SPATA6: variants seen among roughly 807,000 people sequenced by gnomAD.
The protein encoded by SPATA6 is spermatogenesis-associated protein 6.
In SPATA6, 56 loss-of-function variants were observed where a neutral mutation model predicts 65.3. The observed-to-expected ratio is 0.86, with a 90% confidence interval of 0.69 to 1.07. SPATA6 has a LOEUF of 1.07. Among genes scored for constraint, SPATA6 ranks in the 50% least tolerant of loss-of-function variants. The probability of loss-of-function intolerance (pLI) is 0.00; values close to 1 mark genes in which losing one functional copy is unlikely to be tolerated. For synonymous variants in SPATA6, 199 were observed against 213.2 expected, an observed-to-expected ratio of 0.93 and a Z score of 0.58; for missense variants, 590 against 594.8, an observed-to-expected ratio of 0.99 and a Z score of 0.08.
chr1:48,355,435 A>C, intron 11 of SPATA6: 1 of 347,120 alleles, frequency 2.9e-6, no homozygotes, highest in Admixed American at 4.4e-5. Context: ...TAAGATAATT[A>C]TCACTAACAT....
At chr1:48,344,518 A>C (rs1456489769) in intron 11 of SPATA6, among the ~76,000 whole-genome samples, 1 of 152,106 alleles carries the variant, frequency 6.6e-6, no homozygotes. Context: ...AGGATCAAAT[A>C]CACACATATA....
At chr1:48,347,521 TTAAA>T (rs1470397295) in intron 11 of SPATA6, among the ~76,000 whole-genome samples, 17 of 146,646 alleles carry the variant, frequency 1.2e-4, no homozygotes, top group Non-Finnish European at 2.1e-4. Flanking sequence ...ATATAATGTA[TTAAA>T]TTAATTATAG....
chr1:48,384,743 AG>A (rs1436682241), intron 9 of SPATA6, among the ~76,000 whole-genome samples: 3 of 152,180 alleles, frequency 2.0e-5, no homozygotes, highest in African/African-American at 7.2e-5. Context: ...AGAAACAGAG[AG>A]CATGTCTCAG....
intron 6 of SPATA6, among the ~76,000 whole-genome samples, chr1:48,402,274 G>C (rs1229833724): frequency 6.6e-6 from 1 of 152,090 alleles, no homozygotes; most frequent in Admixed American, 6.6e-5. Context: ...CTTTCACCAA[G>C]CTGTACCCTG....
Position 48,338,057 on chromosome 1 carries a change from A to G in SPATA6, c.1194+17613T>C, listed in dbSNP as rs147313231. Among the ~76,000 whole-genome samples, 99 of 152,150 alleles carry G rather than the reference A, an allele frequency of 6.5e-4. No homozygotes were observed. In the East Asian group the frequency reaches 0.018, roughly 28 times the overall value. On this transcript the variant is annotated intron_variant, in intron 11 of 12. Transcript: ENST00000371847. The stretch of plus-strand genomic sequence containing the variant: ...GTGAAGGAGTTATGTCATTAGATAT[A>G]AAGAGTTACTACAAACCTATAGTAA...
At chr1:48,415,329 G>C (rs898499901) in intron 3 of SPATA6, among the ~76,000 whole-genome samples, 12 of 152,174 alleles carry the variant, frequency 7.9e-5, no homozygotes, top group African/African-American at 2.9e-4. Context: ...TTTTTGTAGA[G>C]TCTTTTATGA....
chr1:48,312,142 G>C (rs529434311), intron 11 of SPATA6, among the ~76,000 whole-genome samples: 17 of 152,336 alleles, frequency 1.1e-4, no homozygotes, highest in African/African-American at 3.8e-4. Flanking sequence ...TCTGGGGGCA[G>C]GGAATAGCGA....
chr1:48,320,570 T>C (rs541462957), intron 11 of SPATA6, among the ~76,000 whole-genome samples: 2 of 152,202 alleles, frequency 1.3e-5, no homozygotes, highest in East Asian at 3.8e-4. Flanking sequence ...AAACAAGAGC[T>C]GAGGGACTTC....
At chr1:48,299,826 G>A (rs1644892698) in intron 12 of SPATA6, among the ~76,000 whole-genome samples, 1 of 152,190 alleles carries the variant, frequency 6.6e-6, no homozygotes, top group South Asian at 2.1e-4. Flanking sequence ...TGCTCAGCTA[G>A]TAAGTGGCAA....
chr1:48,275,526 T>C, the SPATA6 span, among the ~76,000 whole-genome samples: 2 of 152,202 alleles, frequency 1.3e-5, no homozygotes, highest in Admixed American at 6.5e-5. Flanking sequence ...CAATACCTAG[T>C]TCATTGAGAG....
chr1:48,370,004 T>C (rs1451051084), intron 9 of SPATA6, among the ~76,000 whole-genome samples: 1 of 152,342 alleles, frequency 6.6e-6, no homozygotes, highest in African/African-American at 2.4e-5. Flanking sequence ...AGAGTTTTTA[T>C]ACCACACGTA....
intron 11 of SPATA6, among the ~76,000 whole-genome samples, chr1:48,317,741 TAAG>T (rs1645481269): frequency 6.6e-6 from 1 of 152,092 alleles, no homozygotes; most frequent in South Asian, 2.1e-4. Context: ...GTTATATATT[TAAG>T]AAGAAAGAAC....
intron 2 of SPATA6, among the ~76,000 whole-genome samples, chr1:48,451,828 A>G (rs898266665): frequency 1.9e-4 from 29 of 152,116 alleles, no homozygotes; most frequent in African/African-American, 6.5e-4. Flanking sequence ...TCTTGTTACC[A>G]TGATCATACC....
chr1:48,288,390 C>G, the SPATA6 span, among the ~76,000 whole-genome samples: 1 of 152,166 alleles, frequency 6.6e-6, no homozygotes, highest in African/African-American at 2.4e-5. Flanking sequence ...TGAACAGGAA[C>G]AGCTCCAGTC....
At position 48,469,815 on chromosome 1, in the gene SPATA6, G is replaced by A. The variant is rs1274238333; in HGVS notation, c.51+2143C>T. Among the ~76,000 whole-genome samples the A allele has an allele frequency of 2.0e-5, 3 of 151,448 alleles. 1 individual carries two copies. The highest frequency in any genetic ancestry group is 7.3e-5 in the African/African-American group (3 of 41,128). On this transcript the variant is annotated intron_variant, in intron 1 of 12. Transcript: ENST00000371847. ...GCTAGTGGGGTTTTTTTTGTGGGGG[G>A]GGCGGTCAGGGGCGTTGTTTGTTTG... is the stretch of plus-strand genomic sequence containing the variant.
intron 5 of SPATA6, among the ~76,000 whole-genome samples, chr1:48,408,787 A>AT (rs1268891437): frequency 6.6e-5 from 10 of 152,112 alleles, no homozygotes; most frequent in Non-Finnish European, 1.5e-4. Flanking sequence ...AGAAATTCCC[A>AT]TTTTTTAAAC....
At chr1:48,395,202 C>A in intron 8 of SPATA6, 65 bp downstream of exon 8, 3 of 1,273,870 alleles carry the variant, frequency 2.4e-6, no homozygotes, top group South Asian at 1.8e-5. Flanking sequence ...TAATTGATGC[C>A]AAATTAAAGG....
chr1:48,348,151 C>T lies in SPATA6; in HGVS notation c.1194+7519G>A, dbSNP rs908554515. Among the ~76,000 whole-genome samples the T allele has an allele frequency of 2.6e-5, 4 of 151,998 alleles. No individual in the cohort carries two copies. The East Asian group carries it at 7.7e-4, about 29-fold the overall frequency. On this transcript the variant is annotated intron_variant, in intron 11 of 12. Transcript: ENST00000371847. ...AACCTACTGGGTGATTACAATTTCT[C>T]CACCCAAGTTACTATTTGTCCTTTC...
chr1:48,408,697 C>T (rs1027195606), intron 5 of SPATA6, among the ~76,000 whole-genome samples: 6 of 152,188 alleles, frequency 3.9e-5, no homozygotes, highest in African/African-American at 1.4e-4. Context: ...ACTGGACTTA[C>T]ACTTCCACAT....
Sources: allele counts gnomAD v4.1 joint callset (sites outside exome capture counted in the v4.1 genomes callset), GRCh38; gene constraint gnomAD v4.1.1; transcripts MANE v1.5; gene names NCBI Gene and HGNC (gene_info 2026-07-23, HGNC 2026-07-21).